ROBO2: variants seen among roughly 807,000 people sequenced by gnomAD.
ROBO2 encodes roundabout homolog 2.
A neutral mutation model predicts 160.8 loss-of-function variants in ROBO2; 53 were observed. The ratio of observed to expected loss-of-function variants is 0.33; its 90% CI spans 0.26 to 0.41. The LOEUF (loss-of-function observed/expected upper bound fraction) is 0.41, where lower values mean the gene tolerates loss of function less well. Ranked by LOEUF, ROBO2 falls within the 10% of genes least tolerant of loss-of-function variation. The pLI is 1.00. For synonymous variants in ROBO2, 664 were observed against 611.7 expected, an observed-to-expected ratio of 1.09 and a Z score of -1.26; for missense variants, 1,577 against 1,722.4, an observed-to-expected ratio of 0.92 and a Z score of 1.49.
intron 2 of ROBO2, among the ~76,000 whole-genome samples, chr3:77,008,942 A>T (rs1338974599): frequency 6.6e-6 from 1 of 152,200 alleles, no homozygotes; most frequent in Non-Finnish European, 1.5e-5. Flanking sequence ...GTAAATGTAT[A>T]GACTATTGTT....
chr3:76,008,351 G>T (rs2066090689), intron 2 of ROBO2, among the ~76,000 whole-genome samples: 1 of 150,284 alleles, frequency 6.7e-6, no homozygotes, highest in Non-Finnish European at 1.5e-5. Flanking sequence ...ATAAAGACTT[G>T]TTTTTTTAAA....
In ROBO2 at chr3:76,337,017, G is replaced by C. The variant is rs142338199; in HGVS notation, c.109+399415G>C. Among the ~76,000 whole-genome samples the C allele has an allele frequency of 4.3e-3, 648 of 152,136 alleles. 7 individuals are homozygous for C. The highest frequency in any genetic ancestry group is 0.015 in the African/African-American group (612 of 41,548). On this transcript the variant is annotated intron_variant, in intron 2 of 26. Coordinates refer to the ROBO2 transcript ENST00000487694. ...CACAATCTCTATTTTCTGGGGCTTTGTAGAGAAAAAAAGATAAAATTGTGT... is the reference window on the plus strand; with the variant it reads ...CACAATCTCTATTTTCTGGGGCTTTCTAGAGAAAAAAAGATAAAATTGTGT...
At chr3:76,289,194 G>A (rs1259782331) in intron 2 of ROBO2, among the ~76,000 whole-genome samples, 3 of 152,144 alleles carry the variant, frequency 2.0e-5, no homozygotes, top group African/African-American at 4.8e-5. Flanking sequence ...CATTCTGACT[G>A]GCATGAGATG....
At chr3:76,584,439 C>G (rs2085902218) in intron 2 of ROBO2, among the ~76,000 whole-genome samples, 1 of 152,028 alleles carries the variant, frequency 6.6e-6, no homozygotes, top group African/African-American at 2.4e-5. Context: ...TTGTTATTAT[C>G]ATGGGTCCCT....
At chr3:77,481,639 A>G (rs2084705960) in intron 4 of ROBO2, among the ~76,000 whole-genome samples, 1 of 152,186 alleles carries the variant, frequency 6.6e-6, no homozygotes. Flanking sequence ...TTAGAAATTC[A>G]AACTGAAGTA....
In ROBO2 at chr3:76,302,954, TA is replaced by T. The variant is rs2071143084; in HGVS notation, c.109+365355del. On this transcript the variant is annotated intron_variant, in intron 2 of 26. Coordinates refer to the ROBO2 transcript ENST00000487694. ...TAGACAGGAATATCCCATGTTTGGA[TA>T]AATTTATTATAAAAAATTTTAAAAA... 2.6e-5 allele frequency among the ~76,000 whole-genome samples: 4 copies of T among 152,170 alleles called. No homozygotes were observed. In the South Asian group the frequency reaches 8.3e-4, roughly 31 times the overall value.
chr3:76,808,688 A>G (rs551107514), intron 2 of ROBO2, among the ~76,000 whole-genome samples: 1 of 152,228 alleles, frequency 6.6e-6, no homozygotes, highest in South Asian at 2.1e-4. Flanking sequence ...AAGTGGCTCA[A>G]ATGTGGGTGT....
intron 2 of ROBO2, among the ~76,000 whole-genome samples, chr3:76,297,924 G>A (rs1709163525): frequency 6.6e-6 from 1 of 152,102 alleles, no homozygotes; most frequent in South Asian, 2.1e-4. Context: ...AGGGCCAGGG[G>A]TGGCCACATG....
At chr3:77,360,593 T>C (rs2069817862) in intron 2 of ROBO2, among the ~76,000 whole-genome samples, 1 of 150,286 alleles carries the variant, frequency 6.7e-6, no homozygotes, top group African/African-American at 2.5e-5. Flanking sequence ...CTGAAAATGC[T>C]AGGAGTAATT....
intron 2 of ROBO2, among the ~76,000 whole-genome samples, chr3:76,692,120 G>A (rs192443277): frequency 9.2e-5 from 14 of 152,058 alleles, no homozygotes; most frequent in African/African-American, 3.4e-4. Flanking sequence ...GAGACTAGAT[G>A]ACTTTGGCAC....
chr3:77,069,343 A>G (rs1486342091), intron 1 of ROBO2, among the ~76,000 whole-genome samples: 2 of 152,196 alleles, frequency 1.3e-5, no homozygotes, highest in African/African-American at 4.8e-5. Flanking sequence ...TTGTTGGCAA[A>G]GAAGTCGATT....
rs952715727 is a variant in ROBO2 at position 76,825,744 on chromosome 3, C to T, written c.110-272270C>T. Among the ~76,000 whole-genome samples the T allele has an allele frequency of 3.3e-5, 5 of 151,028 alleles. No individual in the cohort carries two copies. In the South Asian group the frequency reaches 8.4e-4, roughly 25 times the overall value. On this transcript the variant is annotated intron_variant, in intron 2 of 26. Coordinates refer to the ROBO2 transcript ENST00000487694. ...ATTATCAGTGTGAGTAGTGAGAAAA[C>T]GAAAACCAAAGCTGCAGATGTGGCT...
chr3:77,120,157 G>A (rs982730320), intron 2 of ROBO2, among the ~76,000 whole-genome samples: 4 of 152,144 alleles, frequency 2.6e-5, no homozygotes, highest in African/African-American at 7.2e-5. Flanking sequence ...GATTACAAAT[G>A]TGTAGAGTAA....
intron 2 of ROBO2, among the ~76,000 whole-genome samples, chr3:77,281,328 A>T (rs1380169527): frequency 6.6e-6 from 1 of 152,160 alleles, no homozygotes; most frequent in Non-Finnish European, 1.5e-5. Context: ...TACCTCCCAG[A>T]CACTTGCTTT....
chr3:77,352,413 T>C (rs2068480968), intron 2 of ROBO2, among the ~76,000 whole-genome samples: 1 of 152,132 alleles, frequency 6.6e-6, no homozygotes, highest in Non-Finnish European at 1.5e-5. Flanking sequence ...CCTGTGTCTA[T>C]ACACAGCAGC....
chr3:76,330,667 T>G (rs551232582), intron 2 of ROBO2, among the ~76,000 whole-genome samples: 1 of 152,238 alleles, frequency 6.6e-6, no homozygotes, highest in Non-Finnish European at 1.5e-5. Flanking sequence ...GGTTTGAATT[T>G]CAATGGCCCA....
intron 2 of ROBO2, among the ~76,000 whole-genome samples, chr3:76,377,453 T>C (rs1016921295): frequency 3.3e-5 from 5 of 152,260 alleles, no homozygotes; most frequent in South Asian, 2.1e-4. Context: ...AAAAAAAGTA[T>C]TGGGCTTCTG....
chr3:76,515,428 T>C (rs1033185694), intron 2 of ROBO2, among the ~76,000 whole-genome samples: 97 of 152,262 alleles, frequency 6.4e-4, no homozygotes, highest in African/African-American at 2.1e-3. Flanking sequence ...GAAACTGGAA[T>C]ATAGTACATC....
chr3:75,991,932 G>A (rs927821320), intron 2 of ROBO2, among the ~76,000 whole-genome samples: 2 of 152,162 alleles, frequency 1.3e-5, no homozygotes, highest in East Asian at 1.9e-4. Flanking sequence ...CTGCCCTAGA[G>A]ATTTGTGGAA....
Sources: gnomAD v4.1 joint callset for allele counts (sites outside exome capture counted in the v4.1 genomes callset) on GRCh38, gnomAD v4.1.1 for gene constraint, MANE v1.5 for transcripts, NCBI Gene and HGNC (gene_info 2026-07-23, HGNC 2026-07-21) for gene names.